COPG2: variants seen among roughly 807,000 people sequenced by gnomAD.
The protein encoded by COPG2 is coat protein complex I subunit gamma 2.
A neutral mutation model predicts 46.3 loss-of-function variants in COPG2; 37 were observed. That is an observed-to-expected ratio of 0.80 (90% confidence interval 0.61 to 1.05). The LOEUF is 1.05. COPG2 is among the 50% of genes least tolerant of loss of function. COPG2 has a pLI of 0.00. For synonymous variants in COPG2, 159 were observed against 129.7 expected (o/e 1.23, Z -1.53); for missense variants, 427 against 387.8 (o/e 1.10, Z -0.85).
At chr7:130,597,284 T>G (rs979048847) in intron 9 of COPG2, among the ~76,000 whole-genome samples, 24 of 152,174 alleles carry the variant, frequency 1.6e-4, no homozygotes, top group Non-Finnish European at 2.2e-4. Flanking sequence ...AGGTGGCCAG[T>G]GGGGGTGCTG....
intron 9 of COPG2, among the ~76,000 whole-genome samples, chr7:130,573,671 T>C (rs1793950692): frequency 6.6e-6 from 1 of 152,098 alleles, no homozygotes; most frequent in Non-Finnish European, 1.5e-5. Flanking sequence ...ACCACATAAT[T>C]ATCTTCATAG....
chr7:130,618,100 CAAAAAA>C (rs10695449), intron 5 of COPG2, among the ~76,000 whole-genome samples: 2 of 64,604 alleles, frequency 3.1e-5, no homozygotes, highest in East Asian at 1.0e-3. Flanking sequence ...GACCCTGTCT[CAAAAAA>C]AAAAAAAAAA....
At chr7:130,514,045 GAATGGGA>G (rs782025994) in intron 20 of COPG2, among the ~76,000 whole-genome samples, 1 of 152,216 alleles carries the variant, frequency 6.6e-6, no homozygotes, top group Non-Finnish European at 1.5e-5. Context: ...GTGTTTCCCA[GAATGGGA>G]AATCTTGTAA....
intron 3 of COPG2, 88 bp downstream of exon 3, chr7:130,666,761 T>C: frequency 1.5e-6 from 1 of 668,348 alleles, no homozygotes. Flanking sequence ...TTAAAATAAA[T>C]AAATATACTT....
At chr7:130,513,308 AATATAT>A (rs1197540092) in intron 20 of COPG2, among the ~76,000 whole-genome samples, 110 of 55,588 alleles carry the variant, frequency 2.0e-3, no homozygotes, top group African/African-American at 4.3e-3. Flanking sequence ...AAAAAAAAAA[AATATAT>A]ATATATATAT....
intron 5 of COPG2, among the ~76,000 whole-genome samples, chr7:130,630,065 C>T (rs573955967): frequency 2.6e-4 from 40 of 151,914 alleles, no homozygotes; most frequent in South Asian, 8.3e-4. Context: ...TACAGACACG[C>T]GCCACCATAC....
At chr7:130,582,238 A>C (rs1228989111) in intron 9 of COPG2, among the ~76,000 whole-genome samples, 21 of 149,482 alleles carry the variant, frequency 1.4e-4, no homozygotes, top group South Asian at 6.6e-4. Flanking sequence ...GAAAAACAAG[A>C]AATGGGGAAA....
chr7:130,668,500 C>G, intron 1 of COPG2, 132 bp downstream of exon 1: 1 of 694,098 alleles, frequency 1.4e-6, no homozygotes, highest in Non-Finnish European at 2.1e-6. Flanking sequence ...AGGGGAGGGG[C>G]CGGCTCCAGC....
intron 9 of COPG2, among the ~76,000 whole-genome samples, chr7:130,590,526 G>A (rs1425114436): frequency 1.2e-4 from 18 of 152,142 alleles, no homozygotes; most frequent in Non-Finnish European, 2.2e-4. Context: ...CCGAGGTGCC[G>A]GGATGGCAGA....
intron 9 of COPG2, among the ~76,000 whole-genome samples, chr7:130,577,253 A>C (rs1160936341): frequency 6.6e-6 from 1 of 152,228 alleles, no homozygotes; most frequent in Non-Finnish European, 1.5e-5. Flanking sequence ...TTTCCATCTG[A>C]GGTACTGGGT....
intron 11 of COPG2, among the ~76,000 whole-genome samples, chr7:130,562,367 A>G (rs1793733721): frequency 6.6e-6 from 1 of 152,208 alleles, no homozygotes; most frequent in Admixed American, 6.5e-5. Flanking sequence ...TCCAAAAAAA[A>G]TAAATAAATA....
chr7:130,652,755 A>T lies in COPG2; in HGVS notation c.323+114T>A, dbSNP rs536028743. The T allele has an allele frequency of 2.8e-5, 20 of 709,042 alleles. No individual in the cohort carries two copies. The South Asian group carries it at 3.3e-4, about 12-fold the overall frequency. The allele number at this position is 709,042 out of a possible 1,614,324, so 43.9% of individuals were successfully genotyped here. Reference sequence around the variant, plus strand: ...TCATTTTAGAAAAGAATGCTTTAAGATATTATATTCTTTTAAATTCCTATT... The same window carrying T: ...TCATTTTAGAAAAGAATGCTTTAAGTTATTATATTCTTTTAAATTCCTATT... On this transcript the variant is annotated intron_variant, in intron 5 of 23. Transcript: ENST00000425248.
chr7:130,515,110 C>G (rs2116340615), intron 20 of COPG2, among the ~76,000 whole-genome samples: 1 of 152,264 alleles, frequency 6.6e-6, no homozygotes, highest in African/African-American at 2.4e-5. Flanking sequence ...TTCTTTTCCC[C>G]TCCCCCAGAC....
chr7:130,604,971 T>G (rs1794701530), intron 9 of COPG2, among the ~76,000 whole-genome samples: 1 of 152,240 alleles, frequency 6.6e-6, no homozygotes, highest in Admixed American at 6.5e-5. Context: ...TATGTTTTAC[T>G]GTTAGATCAA....
At chr7:130,594,430 A>G (rs1794486707) in intron 9 of COPG2, among the ~76,000 whole-genome samples, 3 of 152,216 alleles carry the variant, frequency 2.0e-5, no homozygotes, top group South Asian at 2.1e-4. Flanking sequence ...AACAGGTGTA[A>G]ATCTTTGTGA....
intron 20 of COPG2, among the ~76,000 whole-genome samples, chr7:130,511,180 G>T (rs1017381772): frequency 6.6e-6 from 1 of 151,834 alleles, no homozygotes; most frequent in Non-Finnish European, 1.5e-5. Context: ...GGAGGGAGCT[G>T]CCAGGTCTCA....
chr7:130,644,681 C>A (rs1425023476), intron 5 of COPG2, among the ~76,000 whole-genome samples: 1 of 152,208 alleles, frequency 6.6e-6, no homozygotes, highest in Non-Finnish European at 1.5e-5. Flanking sequence ...CTGACTTTTG[C>A]TTTCCTTTTA....
At chr7:130,604,797 T>C (rs1794698414) in intron 9 of COPG2, 1 of 487,512 alleles carries the variant, frequency 2.1e-6, no homozygotes, top group South Asian at 1.6e-5. Context: ...GTATAAAGTT[T>C]AGTGGAGTTT....
chr7:130,626,294 C>T (rs189034575), intron 5 of COPG2, among the ~76,000 whole-genome samples: 189 of 152,122 alleles, frequency 1.2e-3, no homozygotes, highest in Admixed American at 2.2e-3. Context: ...ACATTCCAAC[C>T]ATAAAATAAA....
Sources: gnomAD v4.1 joint callset for allele counts (sites outside exome capture counted in the v4.1 genomes callset) on GRCh38, gnomAD v4.1.1 for gene constraint, MANE v1.5 for transcripts, NCBI Gene and HGNC (gene_info 2026-07-23, HGNC 2026-07-21) for gene names.